Variants in FRMD4A observed in about 807,000 individuals in gnomAD.
The protein encoded by FRMD4A is FERM domain containing 4A.
In FRMD4A, 29 loss-of-function variants were observed where a neutral mutation model predicts 129.1. The ratio of observed to expected loss-of-function variants is 0.22; its 90% confidence interval spans 0.17 to 0.31. The LOEUF is 0.31. FRMD4A is among the 10% of genes least tolerant of loss of function. FRMD4A has a pLI of 1.00. For synonymous variants in FRMD4A, 634 were observed against 571.6 expected, an observed-to-expected ratio of 1.11 and a Z score of -1.56; for missense variants, 1,272 against 1,375.8, an observed-to-expected ratio of 0.92 and a Z score of 1.19.
rs140004557 is a variant in FRMD4A at position 13,734,840 on chromosome 10, CTATTTATTTATTTATTTATTTATTTATT to C, written c.759+2976_759+3003del. On this transcript the variant is annotated intron_variant, in intron 12 of 24. Coordinates refer to ENST00000357447, the MANE Select transcript of FRMD4A (RefSeq NM_018027.5). ...ATAACTTTTTTTTCTTCTTCTTTTT[CTATTTATTTATTTATTTATTTATTTATT>C]TATTTATTTATTTATTTATTTTTGA... is the stretch of plus-strand genomic sequence containing the variant. Among the ~76,000 whole-genome samples the C allele has an allele frequency of 3.4e-3, 488 of 141,604 alleles. 2 individuals are homozygous for C. The highest frequency in any genetic ancestry group is 0.012 in the East Asian group (53 of 4,584). 92.9% of individuals were successfully genotyped at this position (141,604 alleles called of 152,430 possible).
At chr10:13,928,016 CTTTTTTT>C (rs139350063) in intron 2 of FRMD4A, among the ~76,000 whole-genome samples, 4 of 113,004 alleles carry the variant, frequency 3.5e-5, no homozygotes, top group African/African-American at 1.4e-4. Flanking sequence ...CTTAACATAC[CTTTTTTT>C]TTTTTTTTTT....
At position 13,980,605 on chromosome 10, in the gene FRMD4A, A is replaced by C. The variant is rs1009448353; in HGVS notation, c.46-121693T>G. Among the ~76,000 whole-genome samples, 3 of 152,252 alleles carry C rather than the reference A, an allele frequency of 2.0e-5. No homozygotes were observed. The South Asian group carries it at 6.2e-4, about 32-fold the overall frequency. ...AATTAGCTGGGGGAGCCTAAGTCCC[A>C]GCTACTTGGGAAGCTGAGGCTGGAG... On this transcript the variant is annotated intron_variant, in intron 2 of 24. Transcript: ENST00000357447.
Position 14,226,130 on chromosome 10 carries a change from T to G in FRMD4A, c.45+103928A>C, listed in dbSNP as rs114975776. 3.6e-3 allele frequency among the ~76,000 whole-genome samples: 544 copies of G among 152,282 alleles called. 2 individuals are homozygous for G. The highest frequency in any genetic ancestry group is 0.013 in the African/African-American group (520 of 41,540). Reference sequence around the variant, plus strand: ...CATGTTTTTTTTAAATTTTAAAAAATTTTACTTTAAGTTCTTGATACATAT... The same window carrying G: ...CATGTTTTTTTTAAATTTTAAAAAAGTTTACTTTAAGTTCTTGATACATAT... On this transcript the variant is annotated intron_variant, in intron 2 of 24. Coordinates refer to ENST00000357447, the MANE Select transcript of FRMD4A (RefSeq NM_018027.5).
intron 2 of FRMD4A, among the ~76,000 whole-genome samples, chr10:13,870,363 C>G (rs183207825): frequency 9.8e-5 from 15 of 152,378 alleles, no homozygotes; most frequent in African/African-American, 3.6e-4. Context: ...CCCATCGCTC[C>G]TCTCAGTTTC....
At chr10:13,668,187 T>G (rs911440214) in intron 17 of FRMD4A, 1 of 152,266 alleles carries the variant, frequency 6.6e-6, no homozygotes, top group African/African-American at 2.4e-5. Flanking sequence ...AAACTCCTTC[T>G]GAATCCTGCC....
chr10:14,074,325 C>T (rs1184733249), intron 2 of FRMD4A: 2 of 152,140 alleles, frequency 1.3e-5, no homozygotes, highest in Non-Finnish European at 2.9e-5. Context: ...CTCTACTTGT[C>T]CAGACCTGAG....
At chr10:13,874,231 G>A (rs1420790647) in intron 2 of FRMD4A, among the ~76,000 whole-genome samples, 1 of 111,838 alleles carries the variant, frequency 8.9e-6, no homozygotes, top group Non-Finnish European at 1.7e-5. Context: ...GGGTGACAGA[G>A]TGAGACACTG....
intron 2 of FRMD4A, among the ~76,000 whole-genome samples, chr10:13,868,661 TGGCG>T (rs1329653170): frequency 1.6e-4 from 24 of 152,134 alleles, no homozygotes; most frequent in African/African-American, 5.8e-4. Context: ...TAGCAGGGCA[TGGCG>T]GTGTGTGCCT....
At chr10:13,713,137 G>A (rs2088209880) in intron 12 of FRMD4A, among the ~76,000 whole-genome samples, 1 of 152,224 alleles carries the variant, frequency 6.6e-6, no homozygotes, top group South Asian at 2.1e-4. Context: ...GAGTCACCAA[G>A]CTTCTTAATG....
chr10:14,115,654 C>T lies in FRMD4A; in HGVS notation c.45+214404G>A, dbSNP rs1446989205. On this transcript the variant is annotated intron_variant, in intron 2 of 24. Transcript: ENST00000357447. ...TTGGGGTAATGAGTGAGTTCTCGCT[C>T]TTAGTTTGCACAAGAACTGGTGGTT... Among the ~76,000 whole-genome samples, 8 of 152,236 alleles carry T rather than the reference C, an allele frequency of 5.3e-5. No individual in the cohort carries two copies. In the South Asian group the frequency reaches 1.7e-3, roughly 32 times the overall value.
Position 13,660,502 on chromosome 10 carries a change from C to G in FRMD4A, c.1712G>C (p.Gly571Ala). 2 of 1,613,918 alleles carry G rather than the reference C, an allele frequency of 1.2e-6. No individual in the cohort carries two copies. The highest frequency in any genetic ancestry group is 1.7e-6 in the Non-Finnish European group (2 of 1,179,880). Residue 571 changes from glycine (G) to alanine (A), a missense_variant, in exon 20 of 25, where the codon GGA (glycine) becomes GCA (alanine). By Grantham distance (60) the Gly-to-Ala change is moderately conservative (BLOSUM62 0). Around this residue, in one of 2 missense-constraint regions of FRMD4A, gnomAD observed 972 missense variants for 892.3 expected, o/e 1.09. Coordinates refer to ENST00000357447, the MANE Select transcript of FRMD4A (RefSeq NM_018027.5). The part of the protein sequence containing the change: ...TISPLHSPHK[G>A]LPPRPPSHNR... ...GTGCGACGGTGGCCGAGGAGGGAGT[C>G]CCTTGTGAGGAGAATGTAGGGGGGA... is the stretch of plus-strand genomic sequence containing the variant.
chr10:13,838,832 A>G (rs2093918383), intron 3 of FRMD4A, among the ~76,000 whole-genome samples: 1 of 151,950 alleles, frequency 6.6e-6, no homozygotes, highest in African/African-American at 2.4e-5. Flanking sequence ...TGGACCTTAG[A>G]CTGTAAGTTC....
intron 15 of FRMD4A, among the ~76,000 whole-genome samples, chr10:13,679,474 T>TATATATAC (rs1308155926): frequency 9.5e-5 from 3 of 31,490 alleles, no homozygotes; most frequent in African/African-American, 1.3e-4. Context: ...TATATATATA[T>TATATATAC]ACACACACAC....
At chr10:13,737,784 C>T in intron 12 of FRMD4A, 60 bp downstream of exon 12, 1 of 925,018 alleles carries the variant, frequency 1.1e-6, no homozygotes, top group South Asian at 1.3e-5. Context: ...AAAGTGACTC[C>T]TACGCCTGTT....
chr10:14,114,031 G>T (rs74754622), intron 2 of FRMD4A, among the ~76,000 whole-genome samples: 1 of 152,154 alleles, frequency 6.6e-6, no homozygotes, highest in African/African-American at 2.4e-5. Context: ...AGTCTCAGTA[G>T]GGGGTGCCTT....
intron 5 of FRMD4A, among the ~76,000 whole-genome samples, chr10:13,793,387 G>A (rs1286681957): frequency 6.6e-6 from 1 of 152,072 alleles, no homozygotes; most frequent in Non-Finnish European, 1.5e-5. Flanking sequence ...GGCCGGGCTG[G>A]TCTCAACCTC....
chr10:13,891,862 C>T, intron 2 of FRMD4A: 2 of 460,376 alleles, frequency 4.3e-6, no homozygotes, highest in Non-Finnish European at 5.7e-6. Flanking sequence ...CAGTGAGCCC[C>T]GCCGCCGGCC....
At position 14,214,408 on chromosome 10, in the gene FRMD4A, G is replaced by A. The variant is rs990431447; in HGVS notation, c.45+115650C>T. Among the ~76,000 whole-genome samples the A allele has an allele frequency of 3.3e-5, 5 of 152,188 alleles. No homozygotes were observed. In the East Asian group the frequency reaches 7.7e-4, roughly 23 times the overall value. On this transcript the variant is annotated intron_variant, in intron 2 of 24. Transcript: ENST00000357447. ...TGACTGTGTCACATACAAGCTGAAC[G>A]ACCTTAGACAAGTAACTCAACCTCT...
At chr10:14,113,994 C>T (rs1197643961) in intron 2 of FRMD4A, among the ~76,000 whole-genome samples, 1 of 152,222 alleles carries the variant, frequency 6.6e-6, no homozygotes, top group Non-Finnish European at 1.5e-5. Flanking sequence ...GTCGGCCAGA[C>T]TCCAGCAGGG....
Sources: gnomAD v4.1 joint callset for allele counts (sites outside exome capture counted in the v4.1 genomes callset) on GRCh38, gnomAD v4.1.1 for gene constraint, gnomAD v4.1.1 regional missense constraint, MANE v1.5 for transcripts, NCBI Gene and HGNC (gene_info 2026-07-23, HGNC 2026-07-21) for gene names.